The following GPC5 variants were observed in gnomAD, a reference collection of about 807,000 sequenced individuals.
GPC5 encodes the protein glypican 5.
In GPC5, 47 loss-of-function variants were observed where a neutral mutation model predicts 53.9. The ratio of observed to expected loss-of-function variants is 0.87; its 90% CI spans 0.69 to 1.11. The LOEUF is 1.11. Ranked by LOEUF, GPC5 falls within the 50% of genes most tolerant of loss-of-function variation. GPC5 has a pLI of 0.00. For synonymous variants in GPC5, 286 were observed against 263.3 expected, an observed-to-expected ratio of 1.09 and a Z score of -0.84; for missense variants, 748 against 713.1, an observed-to-expected ratio of 1.05 and a Z score of -0.56.
intron 7 of GPC5, among the ~76,000 whole-genome samples, chr13:92,187,170 T>C (rs1239189468): frequency 1.3e-5 from 2 of 152,084 alleles, no homozygotes; most frequent in African/African-American, 4.8e-5. Flanking sequence ...AAACCCTCAA[T>C]GTAACCTGTA....
intron 7 of GPC5, among the ~76,000 whole-genome samples, chr13:92,638,878 A>G (rs1270867882): frequency 6.6e-6 from 1 of 152,204 alleles, no homozygotes; most frequent in Non-Finnish European, 1.5e-5. Context: ...AAATTCTAAC[A>G]TTTTATTTTG....
intron 7 of GPC5, among the ~76,000 whole-genome samples, chr13:92,828,223 A>G (rs1365454168): frequency 1.3e-5 from 2 of 152,116 alleles, no homozygotes; most frequent in African/African-American, 2.4e-5. Context: ...CGTAGATTAC[A>G]CAAAATAAAG....
In GPC5 at chr13:92,838,384, T is replaced by A. The variant is rs370264228; in HGVS notation, c.1562-27898T>A. ...TTGTAGTCCCAGCTACTCAGGAGGC[T>A]GAGGCAGGAGAATGACGTGAACCGG... On this transcript the variant is annotated intron_variant, in intron 7 of 7. Transcript: ENST00000377067. Among the ~76,000 whole-genome samples, 4 of 150,600 alleles carry A rather than the reference T, an allele frequency of 2.7e-5. No homozygotes were observed. In the East Asian group the frequency reaches 8.0e-4, roughly 30 times the overall value.
intron 7 of GPC5, among the ~76,000 whole-genome samples, chr13:92,609,308 G>A (rs1296679841): frequency 2.0e-5 from 3 of 152,058 alleles, no homozygotes; most frequent in Non-Finnish European, 4.4e-5. Flanking sequence ...AGAGGGGGTT[G>A]GTTGGGGAAT....
intron 6 of GPC5, among the ~76,000 whole-genome samples, chr13:91,932,210 A>C (rs1436306790): frequency 1.3e-5 from 2 of 152,070 alleles, no homozygotes; most frequent in African/African-American, 4.8e-5. Flanking sequence ...GTGCCTCAAC[A>C]AAAGAATGTG....
intron 6 of GPC5, among the ~76,000 whole-genome samples, chr13:92,012,152 G>A (rs1029834658): frequency 3.9e-5 from 6 of 151,998 alleles, no homozygotes; most frequent in African/African-American, 1.4e-4. Context: ...TGAAATTATG[G>A]TTTTATTTGT....
chr13:92,481,919 A>G (rs1315981923), intron 7 of GPC5, among the ~76,000 whole-genome samples: 3 of 152,090 alleles, frequency 2.0e-5, no homozygotes, highest in Non-Finnish European at 4.4e-5. Flanking sequence ...ACCTGAGGTC[A>G]GGAGTTTGAG....
chr13:91,461,545 G>T (rs1185521354), intron 2 of GPC5, among the ~76,000 whole-genome samples: 1 of 152,064 alleles, frequency 6.6e-6, no homozygotes, highest in African/African-American at 2.4e-5. Flanking sequence ...AACGATAATA[G>T]TACCTTCTTC....
rs140892573 is a variant in GPC5, at chr13:92,366,434, T to C, written c.1561+221445T>C. Among the ~76,000 whole-genome samples, 244 of 151,878 alleles carry C rather than the reference T, an allele frequency of 1.6e-3. 5 individuals are homozygous for C. Among genetic ancestry groups the C allele is most frequent in the Middle Eastern group, 6.8e-3 (2 of 294 alleles). ...AGTACTAGGAGGAATGGATCCCTCA[T>C]ACATAACTTTGATACAGGCAAACAC... is the stretch of plus-strand genomic sequence containing the variant. On this transcript the variant is annotated intron_variant, in intron 7 of 7. Transcript: ENST00000377067.
chr13:92,161,477 T>C (rs1312216842), intron 7 of GPC5, among the ~76,000 whole-genome samples: 4 of 152,322 alleles, frequency 2.6e-5, no homozygotes, highest in African/African-American at 7.2e-5. Context: ...ATTGAAAATA[T>C]TGACATTAAT....
At chr13:92,197,990 C>T (rs2042269435) in intron 7 of GPC5, among the ~76,000 whole-genome samples, 1 of 152,128 alleles carries the variant, frequency 6.6e-6, no homozygotes, top group African/African-American at 2.4e-5. Flanking sequence ...GCCTCAAAGT[C>T]CTTGCACTTG....
intron 2 of GPC5, among the ~76,000 whole-genome samples, chr13:91,578,331 A>G (rs1345427936): frequency 6.6e-6 from 1 of 152,206 alleles, no homozygotes; most frequent in East Asian, 1.9e-4. Context: ...GTGAGATAAT[A>G]TATATTCATT....
At chr13:92,521,768 T>C (rs1010789881) in intron 7 of GPC5, among the ~76,000 whole-genome samples, 2 of 152,062 alleles carry the variant, frequency 1.3e-5, no homozygotes, top group Non-Finnish European at 2.9e-5. Flanking sequence ...GAAGCCAAAA[T>C]TGAGAAATGG....
At chr13:91,860,619 T>C (rs2039017298) in intron 5 of GPC5, among the ~76,000 whole-genome samples, 2 of 151,560 alleles carry the variant, frequency 1.3e-5, no homozygotes, top group Admixed American at 1.3e-4. Flanking sequence ...AAGTGATTCT[T>C]CCACCTCAGC....
At chr13:92,670,437 A>T (rs1210889119) in intron 7 of GPC5, among the ~76,000 whole-genome samples, 1 of 152,216 alleles carries the variant, frequency 6.6e-6, no homozygotes, top group Non-Finnish European at 1.5e-5. Flanking sequence ...AGTGCATGCA[A>T]AAGTAGTTTC....
At chr13:92,190,263 A>G (rs1470928971) in intron 7 of GPC5, among the ~76,000 whole-genome samples, 3 of 152,174 alleles carry the variant, frequency 2.0e-5, no homozygotes, top group African/African-American at 7.2e-5. Flanking sequence ...AAGAAGAAAC[A>G]CTTTCTTAGA....
intron 7 of GPC5, among the ~76,000 whole-genome samples, chr13:92,582,209 G>A (rs1211899158): frequency 6.6e-6 from 1 of 151,978 alleles, no homozygotes; most frequent in Non-Finnish European, 1.5e-5. Flanking sequence ...TCCATTTCGA[G>A]TTGACTTTTG....
chr13:92,386,845 G>A (rs1329422845), intron 7 of GPC5, among the ~76,000 whole-genome samples: 2 of 151,958 alleles, frequency 1.3e-5, no homozygotes, highest in Non-Finnish European at 2.9e-5. Flanking sequence ...AATACTCTCT[G>A]CTATAGCCAT....
chr13:91,690,615 A>G (rs545984574), intron 2 of GPC5, among the ~76,000 whole-genome samples: 1 of 152,360 alleles, frequency 6.6e-6, no homozygotes, highest in African/African-American at 2.4e-5. Context: ...GGCTACTTAA[A>G]GATAAACTCC....
Sources: gnomAD v4.1 joint callset for allele counts (sites outside exome capture counted in the v4.1 genomes callset) on GRCh38, gnomAD v4.1.1 for gene constraint, MANE v1.5 for transcripts, NCBI Gene and HGNC (gene_info 2026-07-23, HGNC 2026-07-21) for gene names.